Variants in TLL2 observed in about 807,000 individuals in gnomAD.
TLL2 encodes tolloid-like protein 2.
In TLL2, 106 loss-of-function variants were observed where a neutral mutation model predicts 123.0. The ratio of observed to expected loss-of-function variants is 0.86; its 90% CI spans 0.74 to 1.01. The LOEUF (loss-of-function observed/expected upper bound fraction) is 1.01, where lower values mean the gene tolerates loss of function less well. TLL2 is among the 50% of genes least tolerant of loss of function. The probability of loss-of-function intolerance (pLI) is 0.00; values close to 1 mark genes in which losing one functional copy is unlikely to be tolerated. For synonymous variants in TLL2, 494 were observed against 516.8 expected (o/e 0.96, Z 0.60); for missense variants, 1,332 against 1,336.7 (o/e 1.00, Z 0.06).
chr10:96,451,682 C>T (rs1324816622), intron 2 of TLL2, among the ~76,000 whole-genome samples: 2 of 152,108 alleles, frequency 1.3e-5, no homozygotes, highest in African/African-American at 4.8e-5. Context: ...CACATATGTT[C>T]TCTATTTAAT....
intron 3 of TLL2, among the ~76,000 whole-genome samples, chr10:96,439,410 C>T (rs1458531225): frequency 6.6e-6 from 1 of 151,906 alleles, no homozygotes; most frequent in African/African-American, 2.4e-5. Context: ...ACTTTCACTC[C>T]TGCTCTAAAA....
chr10:96,399,409 A>G (rs1846372144), intron 10 of TLL2, among the ~76,000 whole-genome samples: 1 of 152,192 alleles, frequency 6.6e-6, no homozygotes, highest in South Asian at 2.1e-4. Context: ...AGGCCACTGT[A>G]GGCATCTCCT....
intron 18 of TLL2, 118 bp from the exon 19 acceptor site, chr10:96,373,927 T>C: frequency 1.2e-6 from 1 of 828,472 alleles, no homozygotes; most frequent in Non-Finnish European, 1.9e-6. Context: ...TCCAGCTGGC[T>C]GTGCAGGGGG....
chr10:96,484,536 T>C (rs1276612990), intron 1 of TLL2, among the ~76,000 whole-genome samples: 2 of 151,678 alleles, frequency 1.3e-5, no homozygotes, highest in East Asian at 1.9e-4. Context: ...AGAGATAATA[T>C]TGCCTATTCT....
chr10:96,377,817 A>G (rs896057711), intron 17 of TLL2, among the ~76,000 whole-genome samples: 14 of 152,368 alleles, frequency 9.2e-5, no homozygotes, highest in Non-Finnish European at 1.3e-4. Flanking sequence ...TCAAAGGGGC[A>G]GTGGCTCAGC....
At chr10:96,453,258 C>A (rs1420683944) in intron 2 of TLL2, among the ~76,000 whole-genome samples, 1 of 152,008 alleles carries the variant, frequency 6.6e-6, no homozygotes, top group East Asian at 1.9e-4. Flanking sequence ...GAGTTCAAGA[C>A]CAACCTGCTC....
rs377766369 is a variant in TLL2, at chr10:96,405,288, C to T, written c.1211G>A (p.Cys404Tyr). Residue 404 changes from cysteine (C) to tyrosine (Y), a missense_variant, in exon 10 of 21, where the codon TGC becomes TAC. Physicochemically the swap from Cys to Tyr is radical, Grantham distance 194 (BLOSUM62 -2). Coordinates refer to ENST00000357947, the MANE Select transcript of TLL2 (RefSeq NM_012465.4). ...CCGGACCTCCACGTAATCATACCAG[C>T]ACAGTCGGCTTTTAAACAAATCCAT... ...TSMDLFKSRL[C>Y]WYDYVEVRDG... The T allele has an allele frequency of 1.9e-6, 3 of 1,614,092 alleles. No homozygotes were observed. The highest frequency in any genetic ancestry group is 2.7e-5 in the African/African-American group (2 of 74,920).
intron 10 of TLL2, among the ~76,000 whole-genome samples, chr10:96,400,953 G>A (rs1366380637): frequency 6.6e-6 from 1 of 152,208 alleles, no homozygotes; most frequent in Non-Finnish European, 1.5e-5. Context: ...GTTCTCAATT[G>A]ACTTTTCCCT....
chr10:96,500,718 G>A lies in TLL2; in HGVS notation c.175+12793C>T, dbSNP rs564066436. ...GGAGGATCACCTGAGCCCGGGAGGC[G>A]GAGGCTGCAGTGAGTAGTAGTTGTG... On this transcript the variant is annotated intron_variant, in intron 1 of 20. Coordinates refer to ENST00000357947, the MANE Select transcript of TLL2 (RefSeq NM_012465.4). Among the ~76,000 whole-genome samples the A allele has an allele frequency of 4.0e-3, 589 of 148,552 alleles. 3 individuals carry two copies. Among genetic ancestry groups the A allele is most frequent in the African/African-American group, 0.014 (568 of 40,772 alleles).
chr10:96,386,754 A>G (rs191455553), intron 14 of TLL2, among the ~76,000 whole-genome samples, 199 bp downstream of exon 14: 187 of 152,334 alleles, frequency 1.2e-3, no homozygotes, highest in African/African-American at 4.4e-3. Context: ...GGCAGAGTCT[A>G]TGTAATTTGG....
At chr10:96,496,884 G>C (rs550169897) in intron 1 of TLL2, among the ~76,000 whole-genome samples, 7 of 152,344 alleles carry the variant, frequency 4.6e-5, no homozygotes, top group African/African-American at 1.7e-4. Context: ...CCATAGGAAA[G>C]AGAGCCACGA....
intron 2 of TLL2, among the ~76,000 whole-genome samples, chr10:96,461,884 A>T (rs563431731): frequency 6.6e-6 from 1 of 152,284 alleles, no homozygotes; most frequent in Non-Finnish European, 1.5e-5. Context: ...GACACTCACC[A>T]TATCAGTCCC....
At chr10:96,421,980 A>G (rs10509710) in intron 6 of TLL2, among the ~76,000 whole-genome samples, 50,303 of 152,130 alleles carry the variant, frequency 0.33, 8,378 homozygotes, top group Non-Finnish European at 0.36. Context: ...TAAGGCAATC[A>G]TATTCTTCAA....
intron 2 of TLL2, among the ~76,000 whole-genome samples, chr10:96,448,747 C>A (rs1846925283): frequency 6.6e-6 from 1 of 151,904 alleles, no homozygotes; most frequent in African/African-American, 2.4e-5. Flanking sequence ...GTGCAAAGGC[C>A]CTGGGGTGGG....
intron 1 of TLL2, among the ~76,000 whole-genome samples, chr10:96,496,624 T>C (rs1027523704): frequency 6.6e-6 from 1 of 152,208 alleles, no homozygotes; most frequent in African/African-American, 2.4e-5. Flanking sequence ...ATCTATATCA[T>C]AATATGGTTG....
chr10:96,468,455 T>C (rs753677684), intron 2 of TLL2, among the ~76,000 whole-genome samples: 7 of 152,180 alleles, frequency 4.6e-5, no homozygotes, highest in Non-Finnish European at 5.9e-5. Flanking sequence ...CCTTGCTCCT[T>C]TCTCTCCAAT....
chr10:96,394,459 G>A (rs1213457060), intron 13 of TLL2, among the ~76,000 whole-genome samples: 4 of 152,198 alleles, frequency 2.6e-5, no homozygotes, highest in Admixed American at 6.5e-5. Flanking sequence ...AGGAAAGCTC[G>A]GTCTGCCCAT....
chr10:96,446,041 C>T (rs1846894743), intron 3 of TLL2, 50 bp downstream of exon 3: 3 of 1,584,026 alleles, frequency 1.9e-6, no homozygotes, highest in Non-Finnish European at 2.6e-6. Context: ...TATTTTTCCA[C>T]AACTGAAAGA....
At chr10:96,482,185 G>A (rs1201394267) in intron 1 of TLL2, among the ~76,000 whole-genome samples, 1 of 151,990 alleles carries the variant, frequency 6.6e-6, no homozygotes, top group African/African-American at 2.4e-5. Context: ...GTGAACCCGG[G>A]CGGCGGAGCT....
Sources: allele counts gnomAD v4.1 joint callset (sites outside exome capture counted in the v4.1 genomes callset), GRCh38; gene constraint gnomAD v4.1.1; transcripts MANE v1.5; gene names NCBI Gene and HGNC (gene_info 2026-07-23, HGNC 2026-07-21).